Variants in UNC13B observed in about 807,000 individuals in gnomAD.
UNC13B encodes protein unc-13 homolog B.
Under a neutral mutation model 211.0 loss-of-function variants are expected in UNC13B, and 144 were observed. That is an observed-to-expected ratio of 0.68 (90% CI 0.60 to 0.78). The LOEUF (loss-of-function observed/expected upper bound fraction) is 0.78. UNC13B is among the 30% of genes least tolerant of loss of function. UNC13B has a pLI of 0.00. For missense variants in UNC13B, 1,777 were observed against 2,002.0 expected, an observed-to-expected ratio of 0.89 and a Z score of 2.14; for synonymous variants, 709 against 725.8, an observed-to-expected ratio of 0.98 and a Z score of 0.37.
chr9:35,337,254 A>G (rs1831718464), intron 11 of UNC13B, among the ~76,000 whole-genome samples: 1 of 152,172 alleles, frequency 6.6e-6, no homozygotes, highest in Non-Finnish European at 1.5e-5. Flanking sequence ...GGGAGAATGA[A>G]TATTTTGCAG....
chr9:35,390,552 G>A (rs2132310221), intron 25 of UNC13B, 77 bp from the exon 26 acceptor site: 2 of 1,488,312 alleles, frequency 1.3e-6, no homozygotes, highest in East Asian at 4.5e-5. Flanking sequence ...CCAAGAACTA[G>A]GCACTTTAGC....
At chr9:35,329,401 T>C (rs1307615049) in intron 11 of UNC13B, among the ~76,000 whole-genome samples, 1 of 151,966 alleles carries the variant, frequency 6.6e-6, no homozygotes, top group Non-Finnish European at 1.5e-5. Flanking sequence ...GCAGAGAAGA[T>C]GGCCATTGAC....
At chr9:35,235,904 G>A (rs909634401) in intron 3 of UNC13B, among the ~76,000 whole-genome samples, 1 of 152,124 alleles carries the variant, frequency 6.6e-6, no homozygotes, top group Non-Finnish European at 1.5e-5. Context: ...CTCATATTGT[G>A]TGAAACTGCA....
At chr9:35,260,058 A>AAAC (rs1564099813) in intron 7 of UNC13B, among the ~76,000 whole-genome samples, 6 of 149,706 alleles carry the variant, frequency 4.0e-5, no homozygotes, top group African/African-American at 7.3e-5. Context: ...AAAAAAAAAA[A>AAAC]AAAAAACCAA....
intron 7 of UNC13B, among the ~76,000 whole-genome samples, chr9:35,286,911 T>C (rs1264961050): frequency 6.6e-6 from 1 of 152,072 alleles, no homozygotes; most frequent in Non-Finnish European, 1.5e-5. Flanking sequence ...TGTTCAACTA[T>C]GTCCTTTGTA....
chr9:35,312,163 C>T (rs1467544198), intron 10 of UNC13B, among the ~76,000 whole-genome samples: 4 of 152,136 alleles, frequency 2.6e-5, no homozygotes, highest in Admixed American at 2.6e-4. Context: ...ATGGGTGTGA[C>T]TTAGAGTTTC....
chr9:35,313,625 A>AAAT (rs1830296036), intron 10 of UNC13B, among the ~76,000 whole-genome samples: 1 of 133,990 alleles, frequency 7.5e-6, no homozygotes, highest in Non-Finnish European at 1.6e-5. Flanking sequence ...ACCCTGTCTC[A>AAAT]AAATAAATAA....
intron 1 of UNC13B, among the ~76,000 whole-genome samples, chr9:35,166,396 A>G (rs1037586911): frequency 2.0e-5 from 3 of 152,184 alleles, no homozygotes; most frequent in Non-Finnish European, 2.9e-5. Context: ...AAATATGTGT[A>G]TGGTAATACA....
chr9:35,285,930 A>G (rs1358696076), intron 7 of UNC13B, among the ~76,000 whole-genome samples: 2 of 152,180 alleles, frequency 1.3e-5, no homozygotes, highest in Admixed American at 6.5e-5. Context: ...TCTGATTTCA[A>G]AGTATTGGGA....
chr9:35,208,586 A>G (rs1564068882), intron 1 of UNC13B, among the ~76,000 whole-genome samples: 1 of 152,338 alleles, frequency 6.6e-6, no homozygotes, highest in East Asian at 1.9e-4. Flanking sequence ...AGGGAGGCAG[A>G]GACATCTTAC....
At chr9:35,217,771 C>T (rs1824339219) in intron 1 of UNC13B, among the ~76,000 whole-genome samples, 1 of 152,122 alleles carries the variant, frequency 6.6e-6, no homozygotes, top group African/African-American at 2.4e-5. Flanking sequence ...AGGCTGGGTG[C>T]GGTGGCTTAC....
chr9:35,205,629 A>G (rs1220126695), intron 1 of UNC13B, among the ~76,000 whole-genome samples: 2 of 152,224 alleles, frequency 1.3e-5, no homozygotes, highest in South Asian at 2.1e-4. Flanking sequence ...TGGACATTTT[A>G]TGTGAATGGA....
At chr9:35,332,637 T>A (rs1486681318) in intron 11 of UNC13B, among the ~76,000 whole-genome samples, 3 of 152,212 alleles carry the variant, frequency 2.0e-5, no homozygotes, top group Non-Finnish European at 4.4e-5. Flanking sequence ...TTCCTTGCTT[T>A]TATTTTCTTA....
At chr9:35,278,840 T>C (rs964735852) in intron 7 of UNC13B, among the ~76,000 whole-genome samples, 6 of 152,206 alleles carry the variant, frequency 3.9e-5, no homozygotes. Flanking sequence ...ATACAGTTTC[T>C]ACCCAGAGGT....
chr9:35,366,883 C>T (rs910525552), intron 11 of UNC13B, 64 bp from the exon 12 acceptor site: 1 of 1,399,614 alleles, frequency 7.1e-7, no homozygotes, highest in Non-Finnish European at 1.0e-6. Context: ...CTGCTCGCTG[C>T]TCAGATTACA....
Position 35,308,086 on chromosome 9 carries a change from A to G in UNC13B, c.8682A>G (p.Pro2894=), listed in dbSNP as rs1055442677. The G allele has an allele frequency of 7.5e-6, 3 of 399,108 alleles. No individual in the cohort carries two copies. The highest frequency in any genetic ancestry group is 8.8e-6 in the Non-Finnish European group (2 of 226,246). The allele number at this position is 399,108 out of a possible 1,614,324, so 24.7% of individuals were successfully genotyped here. The change falls in exon 9 of 40, where the codon CCA becomes CCG. Residue 2894 remains proline (P), a synonymous_variant. Transcript: ENST00000635942. ...AAATATCTGGGGCCAGTGCTCAGCC[A>G]GGTAAAGTCTACACTCAGCCCTCTG... ...SSQISGASAQ[P]GKVYTQPSGT...
chr9:35,346,519 C>G (rs775158305), intron 11 of UNC13B, among the ~76,000 whole-genome samples: 52 of 152,182 alleles, frequency 3.4e-4, no homozygotes, highest in Non-Finnish European at 6.6e-4. Context: ...GATCTACTCC[C>G]TGCAGTAATT....
chr9:35,364,304 G>T (rs1833627933), intron 11 of UNC13B, among the ~76,000 whole-genome samples: 1 of 130,604 alleles, frequency 7.7e-6, no homozygotes, highest in Admixed American at 7.0e-5. Flanking sequence ...TTTGTCCCTT[G>T]ATTTAGTTTG....
At chr9:35,382,719 C>T (rs528145793) in intron 21 of UNC13B, among the ~76,000 whole-genome samples, 20 of 152,130 alleles carry the variant, frequency 1.3e-4, no homozygotes, top group Non-Finnish European at 2.4e-4. Context: ...CCCGCCACCA[C>T]GCCCGGATAA....
Sources: gnomAD v4.1 joint callset for allele counts (sites outside exome capture counted in the v4.1 genomes callset) on GRCh38, gnomAD v4.1.1 for gene constraint, MANE v1.5 for transcripts, NCBI Gene and HGNC (gene_info 2026-07-23, HGNC 2026-07-21) for gene names.